Variants in SBF2 observed in about 807,000 individuals in gnomAD.
SBF2 encodes the protein SET binding factor 2.
SBF2 carries 112 observed loss-of-function variants against 225.2 expected under a neutral mutation model. The ratio of observed to expected loss-of-function variants is 0.50; its 90% CI spans 0.43 to 0.58. The LOEUF (loss-of-function observed/expected upper bound fraction) is 0.58, where lower values mean the gene tolerates loss of function less well. SBF2 is among the 20% of genes least tolerant of loss of function. The pLI, the probability that SBF2 is intolerant of heterozygous loss-of-function variation, is 0.00. For synonymous variants in SBF2, 763 were observed against 773.3 expected, an observed-to-expected ratio of 0.99 and a Z score of 0.22; for missense variants, 1,996 against 2,206.2, an observed-to-expected ratio of 0.90 and a Z score of 1.91.
At chr11:10,042,719 TC>T in intron 3 of SBF2, 124 bp downstream of exon 3, 1 of 883,446 alleles carries the variant, frequency 1.1e-6, no homozygotes, top group Non-Finnish European at 1.8e-6. Context: ...CATAAAAATT[TC>T]TTCATGCTTC....
At chr11:10,063,858 C>CAGAGAGAGAGAGAGAGAG (rs1555006975) in intron 2 of SBF2, among the ~76,000 whole-genome samples, 25 of 136,226 alleles carry the variant, frequency 1.8e-4, no homozygotes, top group East Asian at 1.8e-3. Flanking sequence ...CACACACACA[C>CAGAGAGAGAGAGAGAGAG]AGAGAGAGAG....
intron 2 of SBF2, among the ~76,000 whole-genome samples, chr11:10,154,582 C>T (rs1282400688): frequency 2.6e-5 from 4 of 152,124 alleles, no homozygotes; most frequent in Non-Finnish European, 4.4e-5. Flanking sequence ...GTATGATAGT[C>T]CCATTAGCTA....
In SBF2 at chr11:9,781,442, A is replaced by G. The variant is rs951897926; in HGVS notation, c.5451+65T>C. ...CACCAATTACTCTGAGGGCTCCATC[A>G]TTCTTGGAGACAGACAGAATGATGT... On this transcript the variant is annotated intron_variant, in intron 39 of 39. Coordinates refer to ENST00000256190, the MANE Select transcript of SBF2 (RefSeq NM_030962.4). 1.2e-5 allele frequency: 20 copies of G among 1,607,406 alleles called. No homozygotes were observed. In the Admixed American group the frequency reaches 3.0e-4, roughly 24 times the overall value.
At chr11:9,833,140 C>G (rs1017862181) in intron 26 of SBF2, among the ~76,000 whole-genome samples, 11 of 152,102 alleles carry the variant, frequency 7.2e-5, no homozygotes, top group African/African-American at 2.4e-4. Flanking sequence ...AAAACCAAAA[C>G]CAAATTATTT....
chr11:10,233,509 AT>A (rs1169997646), intron 1 of SBF2, among the ~76,000 whole-genome samples: 7 of 149,760 alleles, frequency 4.7e-5, no homozygotes, highest in Admixed American at 2.0e-4. Flanking sequence ...AAAAGTATTC[AT>A]TTTTTTTCTT....
chr11:10,279,584 G>A (rs1458290151), intron 1 of SBF2, among the ~76,000 whole-genome samples: 1 of 152,110 alleles, frequency 6.6e-6, no homozygotes, highest in African/African-American at 2.4e-5. Context: ...TAGATTTCCA[G>A]TTCTATTATA....
chr11:9,931,406 G>A (rs1864490023), intron 16 of SBF2, among the ~76,000 whole-genome samples: 1 of 152,226 alleles, frequency 6.6e-6, no homozygotes, highest in African/African-American at 2.4e-5. Context: ...GAAGCTTTCA[G>A]AGGAAGGATC....
At position 10,092,325 on chromosome 11, in the gene SBF2, G is replaced by A. The variant is rs368128038; in HGVS notation, c.142-49344C>T. Among the ~76,000 whole-genome samples the A allele has an allele frequency of 4.5e-4, 68 of 152,112 alleles. 1 individual carries two copies. In the South Asian group the frequency reaches 0.012, roughly 26 times the overall value. On this transcript the variant is annotated intron_variant, in intron 2 of 39. Transcript: ENST00000256190. ...CATGATTTTAATTTTTCTAGAAAAT[G>A]GGTAATTTTTATTGTTATATTTAGT... is the stretch of plus-strand genomic sequence containing the variant.
At chr11:10,101,589 T>C (rs61878625) in intron 2 of SBF2, among the ~76,000 whole-genome samples, 27,810 of 151,748 alleles carry the variant, frequency 0.18, 2,708 homozygotes, top group East Asian at 0.29. Context: ...CCCGGAAACC[T>C]GGTATGCCGG....
chr11:10,118,743 T>C (rs1953286769), intron 2 of SBF2, among the ~76,000 whole-genome samples: 1 of 151,996 alleles, frequency 6.6e-6, no homozygotes, highest in Admixed American at 6.6e-5. Flanking sequence ...TTTCTAAAAT[T>C]TCCCTAGAGG....
At chr11:10,258,259 C>T (rs1961074198) in intron 1 of SBF2, among the ~76,000 whole-genome samples, 3 of 152,030 alleles carry the variant, frequency 2.0e-5, no homozygotes, top group Admixed American at 2.0e-4. Context: ...TATGCACTAC[C>T]ACATCTAGCT....
intron 16 of SBF2, among the ~76,000 whole-genome samples, chr11:9,896,788 CAAA>C (rs34465991): frequency 1.1e-5 from 1 of 95,166 alleles, no homozygotes; most frequent in Non-Finnish European, 2.1e-5. Context: ...GACTCCGTCT[CAAA>C]AAAAAAAAAA....
rs554045546 is a variant in SBF2 at position 10,111,784 on chromosome 11, G to A, written c.142-68803C>T. Among the ~76,000 whole-genome samples, 254 of 152,364 alleles carry A rather than the reference G, an allele frequency of 1.7e-3. 1 individual carries two copies. Among genetic ancestry groups the A allele is most frequent in the African/African-American group, 5.6e-3 (234 of 41,594 alleles). On this transcript the variant is annotated intron_variant, in intron 2 of 39. Transcript: ENST00000256190. ...CCCAGCTACTCAGGAGGCTGAGACA[G>A]GAGAATCGCTTGAACCCGGGAGACA...
chr11:10,174,346 G>A (rs985385898), intron 2 of SBF2, among the ~76,000 whole-genome samples: 8 of 152,182 alleles, frequency 5.3e-5, no homozygotes, highest in Non-Finnish European at 1.2e-4. Context: ...ACCAAGGCTC[G>A]AGAACTACGT....
At chr11:9,958,594 C>G (rs905336661) in intron 16 of SBF2, 23 of 209,490 alleles carry the variant, frequency 1.1e-4, no homozygotes, top group Non-Finnish European at 1.5e-4. Context: ...TCCTGACCTC[C>G]TGATCCGCCC....
chr11:9,954,033 C>G (rs1284770246), intron 16 of SBF2, among the ~76,000 whole-genome samples: 2 of 152,024 alleles, frequency 1.3e-5, no homozygotes, highest in South Asian at 2.1e-4. Context: ...TTTTAGTAAT[C>G]TCAGTTTCAA....
At position 10,193,473 on chromosome 11, in the gene SBF2, G is replaced by A. The variant is rs1172144885; in HGVS notation, c.141+429C>T. 5.3e-5 allele frequency among the ~76,000 whole-genome samples: 8 copies of A among 150,024 alleles called. No individual in the cohort carries two copies. In the Admixed American group the frequency reaches 5.4e-4, roughly 10 times the overall value. On this transcript the variant is annotated intron_variant, in intron 2 of 39. Coordinates refer to ENST00000256190, the MANE Select transcript of SBF2 (RefSeq NM_030962.4). Reference sequence around the variant, plus strand: ...GGGTTCATGCCATTCTCCTGCCTCAGCCTCCTGAGTAGCTGGGACTACAGA... The same window carrying A: ...GGGTTCATGCCATTCTCCTGCCTCAACCTCCTGAGTAGCTGGGACTACAGA...
At position 9,905,975 on chromosome 11, in the gene SBF2, G is replaced by A. The variant is rs142792795; in HGVS notation, c.1861-9964C>T. 1.6e-3 allele frequency among the ~76,000 whole-genome samples: 240 copies of A among 151,600 alleles called. 1 individual carries two copies. The highest frequency in any genetic ancestry group is 0.01 in the Middle Eastern group (3 of 294). Reference sequence around the variant, plus strand: ...CAGTCAGGCCATGTAGGAAAACACCGCACCTTTTTCCTATGTGGTATCTCT... The same window carrying A: ...CAGTCAGGCCATGTAGGAAAACACCACACCTTTTTCCTATGTGGTATCTCT... On this transcript the variant is annotated intron_variant, in intron 16 of 39. Coordinates refer to ENST00000256190, the MANE Select transcript of SBF2 (RefSeq NM_030962.4).
chr11:9,797,079 A>G (rs1351251772), intron 32 of SBF2, among the ~76,000 whole-genome samples: 1 of 152,200 alleles, frequency 6.6e-6, no homozygotes, highest in Non-Finnish European at 1.5e-5. Context: ...TACTTGCTCA[A>G]AAGCTGGTTC....
Sources: gnomAD v4.1 joint callset for allele counts (sites outside exome capture counted in the v4.1 genomes callset) on GRCh38, gnomAD v4.1.1 for gene constraint, MANE v1.5 for transcripts, NCBI Gene and HGNC (gene_info 2026-07-23, HGNC 2026-07-21) for gene names.